The following PRR16 variants were observed in gnomAD, a reference collection of about 807,000 sequenced individuals.
PRR16 encodes protein Largen.
Under a neutral mutation model 18.2 loss-of-function variants are expected in PRR16, and 6 were observed. The observed-to-expected ratio is 0.33, with a 90% CI of 0.18 to 0.65. The LOEUF is 0.65. Ranked by LOEUF, PRR16 falls within the 30% of genes least tolerant of loss-of-function variation. The pLI, the probability that PRR16 is intolerant of heterozygous loss-of-function variation, is 0.74. For missense variants in PRR16, 412 were observed against 376.6 expected (o/e 1.09, Z -0.78); for synonymous variants, 151 against 147.8 (o/e 1.02, Z -0.16).
At chr5:120,636,282 A>C (rs1482154153) in intron 1 of PRR16, among the ~76,000 whole-genome samples, 1 of 152,130 alleles carries the variant, frequency 6.6e-6, no homozygotes, top group Non-Finnish European at 1.5e-5. Context: ...AAAAATCCTA[A>C]AATTCACATG....
chr5:120,480,376 A>G (rs1171357315), intron 1 of PRR16, among the ~76,000 whole-genome samples: 6 of 152,148 alleles, frequency 3.9e-5, no homozygotes, highest in Non-Finnish European at 7.3e-5. Flanking sequence ...GTAACCTAAG[A>G]TTTACTTTGC....
At chr5:120,560,700 G>C (rs970518380) in intron 1 of PRR16, among the ~76,000 whole-genome samples, 1 of 152,006 alleles carries the variant, frequency 6.6e-6, no homozygotes, top group Non-Finnish European at 1.5e-5. Context: ...AGTTCAAGTA[G>C]GACTGGTAAC....
At chr5:120,634,543 T>G (rs1035447364) in intron 1 of PRR16, among the ~76,000 whole-genome samples, 109 of 152,226 alleles carry the variant, frequency 7.2e-4, no homozygotes, top group African/African-American at 2.6e-3. Context: ...CTCAGGAGGC[T>G]GAGGCAGGAG....
At chr5:120,776,102 G>T in the PRR16 span, among the ~76,000 whole-genome samples, 1 of 152,062 alleles carries the variant, frequency 6.6e-6, no homozygotes, top group Non-Finnish European at 1.5e-5. Flanking sequence ...TCTCACTGTT[G>T]CTGCTCCCAC....
the PRR16 span, among the ~76,000 whole-genome samples, chr5:120,734,974 C>A: frequency 6.6e-6 from 1 of 152,118 alleles, no homozygotes. Flanking sequence ...GAATCTTTTT[C>A]ATTTTGGGAA....
At chr5:120,580,691 A>T (rs1208307767) in intron 1 of PRR16, among the ~76,000 whole-genome samples, 1 of 151,988 alleles carries the variant, frequency 6.6e-6, no homozygotes, top group South Asian at 2.1e-4. Flanking sequence ...TCCTGACCTC[A>T]TGATCTGCCC....
chr5:120,568,195 C>T (rs1271041295), intron 1 of PRR16, among the ~76,000 whole-genome samples: 2 of 152,110 alleles, frequency 1.3e-5, no homozygotes, highest in Non-Finnish European at 2.9e-5. Context: ...AGCAGTAATA[C>T]CAGTGATTGC....
At chr5:120,464,721 G>A in intron 1 of PRR16, 76 bp downstream of exon 1, 1 of 1,398,298 alleles carries the variant, frequency 7.2e-7, no homozygotes, top group Non-Finnish European at 9.4e-7. Flanking sequence ...TTTTCAGCAG[G>A]GACAGCCAGA....
At chr5:120,734,940 C>G in the PRR16 span, among the ~76,000 whole-genome samples, 12 of 152,168 alleles carry the variant, frequency 7.9e-5, no homozygotes, top group Non-Finnish European at 1.8e-4. Flanking sequence ...TTCTTTCAAA[C>G]TTCAGTTTCA....
intron 1 of PRR16, among the ~76,000 whole-genome samples, chr5:120,527,335 A>G (rs532925619): frequency 1.3e-5 from 2 of 152,180 alleles, no homozygotes; most frequent in Non-Finnish European, 2.9e-5. Context: ...GTCAAACATA[A>G]TGTTCCCTAT....
intron 1 of PRR16, among the ~76,000 whole-genome samples, chr5:120,501,955 C>CAAAAAAAAAA (rs548770948): frequency 4.1e-4 from 18 of 44,056 alleles, no homozygotes; most frequent in Admixed American, 1.0e-3. Context: ...TACTCCGTCT[C>CAAAAAAAAAA]AAAAAAAAAA....
At chr5:120,753,037 A>T in the PRR16 span, among the ~76,000 whole-genome samples, 1 of 152,106 alleles carries the variant, frequency 6.6e-6, no homozygotes, top group South Asian at 2.1e-4. Context: ...ATAGATGAGG[A>T]AACATTAATT....
chr5:120,491,807 G>T (rs1750060382), intron 1 of PRR16, among the ~76,000 whole-genome samples: 1 of 152,120 alleles, frequency 6.6e-6, no homozygotes, highest in African/African-American at 2.4e-5. Flanking sequence ...GCCTCCCAAA[G>T]TGCTGAGATT....
chr5:120,522,689 T>C (rs1040173883), intron 1 of PRR16, among the ~76,000 whole-genome samples: 2 of 152,190 alleles, frequency 1.3e-5, no homozygotes, highest in African/African-American at 4.8e-5. Flanking sequence ...CACTGCAAGC[T>C]CTGCCTCCCA....
At chr5:120,780,593 A>T in the PRR16 span, among the ~76,000 whole-genome samples, 1 of 152,116 alleles carries the variant, frequency 6.6e-6, no homozygotes, top group Non-Finnish European at 1.5e-5. Context: ...TAATATTACA[A>T]TTTTTTCAAT....
intron 1 of PRR16, among the ~76,000 whole-genome samples, chr5:120,544,239 G>A (rs115575847): frequency 1.1e-3 from 166 of 152,258 alleles, no homozygotes; most frequent in African/African-American, 3.8e-3. Context: ...TAGCCCAGAG[G>A]AATGCCAGAT....
At chr5:120,707,737 G>A in the PRR16 span, among the ~76,000 whole-genome samples, 1 of 152,160 alleles carries the variant, frequency 6.6e-6, no homozygotes, top group Non-Finnish European at 1.5e-5. Flanking sequence ...TTTGATAGGG[G>A]AAGAAGAAAA....
chr5:120,664,016 T>A (rs1201432836), intron 1 of PRR16, among the ~76,000 whole-genome samples: 1 of 152,112 alleles, frequency 6.6e-6, no homozygotes, highest in Admixed American at 6.6e-5. Flanking sequence ...TGGACAAATC[T>A]GGCCGGGCGC....
At chr5:120,572,926 G>C (rs1752952807) in intron 1 of PRR16, among the ~76,000 whole-genome samples, 1 of 152,118 alleles carries the variant, frequency 6.6e-6, no homozygotes, top group Admixed American at 6.6e-5. Flanking sequence ...TTCTATAGTA[G>C]ATATTGTGTT....
Sources: allele counts gnomAD v4.1 joint callset (sites outside exome capture counted in the v4.1 genomes callset), GRCh38; gene constraint gnomAD v4.1.1; transcripts MANE v1.5; gene names NCBI Gene and HGNC (gene_info 2026-07-23, HGNC 2026-07-21).